The following RASL12 variants were observed in gnomAD, a reference collection of about 807,000 sequenced individuals.
RASL12 encodes the protein ras-like protein family member 12.
RASL12 carries 16 observed loss-of-function variants against 22.9 expected under a neutral mutation model. The observed-to-expected ratio is 0.70, with a 90% CI of 0.47 to 1.06. RASL12 has a LOEUF of 1.06. Among genes scored for constraint, RASL12 ranks in the 50% least tolerant of loss-of-function variants. The pLI is 0.00. For synonymous variants in RASL12, 159 were observed against 152.2 expected, an observed-to-expected ratio of 1.04 and a Z score of -0.33; for missense variants, 306 against 353.1, an observed-to-expected ratio of 0.87 and a Z score of 1.07.
In RASL12 at chr15:65,067,643, G is replaced by T. The variant is rs975367669; in HGVS notation, c.103+90C>A. 2.8e-6 allele frequency: 4 copies of T among 1,425,578 alleles called. No individual in the cohort carries two copies. The African/African-American group carries it at 6.0e-5, about 21-fold the overall frequency. The allele number at this position is 1,425,578 out of a possible 1,614,324, so 88.3% of individuals were successfully genotyped here. A position where few individuals can be genotyped will look rare whatever the true frequency, so the allele number is the denominator to read the frequency against. ...GTGAAGGAAGCTCCCCAAGCCAGTG[G>T]AAGAACCTGCCCCCAAGAGCACAGC... On this transcript the variant is annotated intron_variant, in intron 1 of 4. Transcript: ENST00000220062.
At position 65,054,550 on chromosome 15, in the gene RASL12, C is replaced by CAACTGT. The variant is rs990045590; in HGVS notation, c.*348_*349insACAGTT. On this transcript the variant is annotated 3_prime_UTR_variant, in exon 5 of 5. Transcript: ENST00000220062. ...CCACCCAGACCATCCACTAAGGCCA[C>CAACTGT]AGCTGGCCCAACTGTAGCTGGAGCA... The CAACTGT allele has an allele frequency of 6.5e-6, 7 of 1,079,376 alleles. No homozygotes were observed. Among genetic ancestry groups the CAACTGT allele is most frequent in the Non-Finnish European group, 7.9e-6 (7 of 888,310 alleles). The allele number at this position is 1,079,376 out of a possible 1,614,324, so 66.9% of individuals were successfully genotyped here. A position where few individuals can be genotyped will look rare whatever the true frequency, so the allele number is the denominator to read the frequency against.
rs754367021 is a variant in RASL12 at position 65,067,753 on chromosome 15, C to T, written c.83G>A (p.Arg28His). 6.4e-7 allele frequency: 1 copy of T among 1,564,892 alleles called. No homozygotes were observed. ...CTCACCAGACTTGCCAGCCCCGCGGCGCCCCAGGATGGCCAGGTTGACCTC... is the reference window on the plus strand; with the variant it reads ...CTCACCAGACTTGCCAGCCCCGCGGTGCCCCAGGATGGCCAGGTTGACCTC... ...PLEVNLAILG[R>H]RGAGKSALTV... The change falls in exon 1 of 5, where the codon CGC becomes CAC. Residue 28 changes from arginine to histidine, a missense_variant. Arg to His is a conservative substitution (Grantham distance 29, BLOSUM62 0). Transcript: ENST00000220062.
chr15:65,057,506 G>A (rs1332165647), intron 4 of RASL12, among the ~76,000 whole-genome samples: 1 of 152,198 alleles, frequency 6.6e-6, no homozygotes, highest in African/African-American at 2.4e-5. Context: ...CCACCTCAAA[G>A]CATTCCAATT....
downstream of RASL12, chr15:65,050,050 G>T (rs775524383): frequency 6.4e-7 from 1 of 1,551,868 alleles, no homozygotes; most frequent in African/African-American, 1.4e-5. Context: ...CGGTACTGTG[G>T]TACCCCAGGA....
At chr15:65,071,711 G>T (rs2086933486), upstream of RASL12, among the ~76,000 whole-genome samples, 1 of 152,128 alleles carries the variant, frequency 6.6e-6, no homozygotes, top group South Asian at 2.1e-4. Context: ...GCCTGGCAAT[G>T]GTTCCATCTG....
chr15:65,049,946 G>A, downstream of RASL12: 5 of 1,386,064 alleles, frequency 3.6e-6, no homozygotes, highest in Non-Finnish European at 4.9e-6. Flanking sequence ...GAGGCCAGGA[G>A]GGCTGCTGGG....
At chr15:65,068,066 A>G, upstream of RASL12, 2 of 1,080,132 alleles carry the variant, frequency 1.9e-6, no homozygotes, top group Non-Finnish European at 2.2e-6. This position sits in a 1 kb window ranked among gnomAD's most constrained non-coding sequence, Gnocchi z 4.2. Flanking sequence ...ATTCCTTGTA[A>G]GGGCTGCGGA....
chr15:65,076,034 G>C (rs954644387), intron 1 of RASL12, among the ~76,000 whole-genome samples: 1 of 152,120 alleles, frequency 6.6e-6, no homozygotes, highest in Non-Finnish European at 1.5e-5. Context: ...TGATGGGGAC[G>C]TGGAGAACTT....
At chr15:65,047,875 A>T in the RASL12 span, among the ~76,000 whole-genome samples, 2 of 152,162 alleles carry the variant, frequency 1.3e-5, no homozygotes, top group African/African-American at 4.8e-5. Flanking sequence ...TGTGCATGTG[A>T]GTCCTTGAAA....
Position 65,063,555 on chromosome 15 carries a change from T to C in RASL12, c.160+1662A>G, listed in dbSNP as rs1169584530. Among the ~76,000 whole-genome samples the C allele has an allele frequency of 3.9e-5, 6 of 152,220 alleles. 1 individual carries two copies. In the South Asian group the frequency reaches 8.3e-4, roughly 21 times the overall value. Reference sequence around the variant, plus strand: ...CTCCTTGGGCCTGTTTCCTCCACTGTAGCACTGAAGGGCTGTGCCAAGGCA... The same window carrying C: ...CTCCTTGGGCCTGTTTCCTCCACTGCAGCACTGAAGGGCTGTGCCAAGGCA... On this transcript the variant is annotated intron_variant, in intron 2 of 4. Coordinates refer to ENST00000220062, the MANE Select transcript of RASL12 (RefSeq NM_016563.4).
chr15:65,058,335 C>T, intron 4 of RASL12, 92 bp downstream of exon 4: 1 of 1,063,460 alleles, frequency 9.4e-7, no homozygotes, highest in Non-Finnish European at 1.3e-6. Context: ...GATGACTGTT[C>T]TTAGCAGCCC....
intron 2 of RASL12, among the ~76,000 whole-genome samples, chr15:65,064,992 T>C (rs918994402): frequency 2.6e-5 from 4 of 152,344 alleles, no homozygotes; most frequent in Non-Finnish European, 5.9e-5. Flanking sequence ...TCAGCCTCTC[T>C]TAGTTCTGTG....
chr15:65,058,648 G>T (rs769068543), intron 3 of RASL12, 31 bp from the exon 4 acceptor site: 1 of 1,462,842 alleles, frequency 6.8e-7, no homozygotes, highest in South Asian at 1.4e-5. Context: ...CCCGCCGGGG[G>T]GCAGAGGAGG....
At chr15:65,070,632 C>A (rs1595910538), upstream of RASL12, among the ~76,000 whole-genome samples, 1 of 152,190 alleles carries the variant, frequency 6.6e-6, no homozygotes. Flanking sequence ...CTGGAGTGAA[C>A]GACTGGAGCA....
downstream of RASL12, among the ~76,000 whole-genome samples, chr15:65,050,897 T>C (rs1234763494): frequency 1.5e-5 from 2 of 137,264 alleles, no homozygotes; most frequent in African/African-American, 5.4e-5. Flanking sequence ...CAGGCTGGAG[T>C]GCAGTGGTGC....
the RASL12 span, among the ~76,000 whole-genome samples, chr15:65,046,606 ATTAAACATATT>A: frequency 6.6e-6 from 1 of 152,128 alleles, no homozygotes; most frequent in Non-Finnish European, 1.5e-5. Context: ...CTGTAACAAT[ATTAAACATATT>A]TTAAACATAT....
At chr15:65,068,000 G>A, upstream of RASL12, 11 of 1,152,954 alleles carry the variant, frequency 9.5e-6, no homozygotes, top group Non-Finnish European at 1.2e-5. Context: ...CTGCCACCCC[G>A]CGGGGAGGAG....
chr15:65,063,130 G>A (rs12443113), intron 2 of RASL12, among the ~76,000 whole-genome samples: 55,241 of 151,844 alleles, frequency 0.36, 10,932 homozygotes, highest in South Asian at 0.55. Context: ...TGACAGTATC[G>A]ATTGGAAGGC....
chr15:65,054,443 C>A lies in RASL12; in HGVS notation c.*456G>T, dbSNP rs1026781375. ...GGCCTCTGAAACTGCAGCCGCCCTG[C>A]CTTTCCCGTCCACCAGGTGGCACAA... On this transcript the variant is annotated 3_prime_UTR_variant, in exon 5 of 5. Transcript: ENST00000220062. The A allele has an allele frequency of 2.0e-6, 2 of 991,812 alleles. No homozygotes were observed. The highest frequency in any genetic ancestry group is 2.4e-6 in the Non-Finnish European group (2 of 834,064). The allele number at this position is 991,812 out of a possible 1,614,324, so 61.4% of individuals were successfully genotyped here.
Sources: allele counts gnomAD v4.1 joint callset (sites outside exome capture counted in the v4.1 genomes callset), GRCh38; gene constraint gnomAD v4.1.1; non-coding constraint Gnocchi (gnomAD v3.1); transcripts MANE v1.5; gene names NCBI Gene and HGNC (gene_info 2026-07-23, HGNC 2026-07-21).